Variants in EXOC6B observed in about 807,000 individuals in gnomAD.
EXOC6B encodes SEC15 homolog B.
A neutral mutation model predicts 113.5 loss-of-function variants in EXOC6B; 54 were observed. The ratio of observed to expected loss-of-function variants is 0.48; its 90% CI spans 0.38 to 0.60. EXOC6B has a LOEUF of 0.60. Ranked by LOEUF, EXOC6B falls within the 20% of genes least tolerant of loss-of-function variation. EXOC6B has a pLI of 0.00. For synonymous variants in EXOC6B, 357 were observed against 339.0 expected (o/e 1.05, Z -0.58); for missense variants, 797 against 977.5 (o/e 0.82, Z 2.46).
At chr2:72,688,994 T>G (rs1490359129) in intron 6 of EXOC6B, among the ~76,000 whole-genome samples, 1 of 152,172 alleles carries the variant, frequency 6.6e-6, no homozygotes, top group Non-Finnish European at 1.5e-5. Flanking sequence ...AGCAATAAAG[T>G]GATGCATTAG....
intron 20 of EXOC6B, among the ~76,000 whole-genome samples, chr2:72,212,592 G>A (rs1680263309): frequency 6.6e-6 from 1 of 152,154 alleles, no homozygotes; most frequent in Admixed American, 6.5e-5. Context: ...AATAATGGAG[G>A]AAATGGACCA....
At chr2:72,289,759 G>A (rs979714032) in intron 20 of EXOC6B, among the ~76,000 whole-genome samples, 9 of 152,108 alleles carry the variant, frequency 5.9e-5, no homozygotes, top group African/African-American at 9.7e-5. Flanking sequence ...AGCCAGGTAC[G>A]GTGGCTCATG....
chr2:72,787,765 T>C (rs1228665146), intron 1 of EXOC6B, among the ~76,000 whole-genome samples: 1 of 152,138 alleles, frequency 6.6e-6, no homozygotes, highest in African/African-American at 2.4e-5. Flanking sequence ...TAGCTGGGAC[T>C]ACAGGCACGT....
chr2:72,613,471 A>G (rs1375293316), intron 6 of EXOC6B, among the ~76,000 whole-genome samples: 1 of 152,106 alleles, frequency 6.6e-6, no homozygotes, highest in African/African-American at 2.4e-5. Flanking sequence ...AAAAAGCCCA[A>G]AAACTTTAAA....
intron 20 of EXOC6B, among the ~76,000 whole-genome samples, chr2:72,334,653 A>T (rs2072906837): frequency 6.6e-6 from 1 of 152,120 alleles, no homozygotes. Flanking sequence ...TGTCTGCAAA[A>T]GCCAACAACA....
chr2:72,580,244 C>A (rs1287195269), intron 6 of EXOC6B, among the ~76,000 whole-genome samples: 1 of 147,374 alleles, frequency 6.8e-6, no homozygotes, highest in Admixed American at 7.0e-5. Context: ...TGGGTTCAAG[C>A]GATTCTCATG....
At chr2:72,548,264 A>G (rs1703015106) in intron 8 of EXOC6B, among the ~76,000 whole-genome samples, 1 of 152,126 alleles carries the variant, frequency 6.6e-6, no homozygotes, top group Non-Finnish European at 1.5e-5. Context: ...CATGACCGAA[A>G]TCTGACCTCC....
At chr2:72,476,379 A>G (rs1336615433) in intron 17 of EXOC6B, among the ~76,000 whole-genome samples, 1 of 152,162 alleles carries the variant, frequency 6.6e-6, no homozygotes, top group Non-Finnish European at 1.5e-5. Flanking sequence ...GGTCTATTTG[A>G]AATGTGATCA....
At chr2:72,782,950 G>C (rs1234937258) in intron 1 of EXOC6B, among the ~76,000 whole-genome samples, 1 of 152,118 alleles carries the variant, frequency 6.6e-6, no homozygotes, top group Non-Finnish European at 1.5e-5. Flanking sequence ...TGATTCTGTA[G>C]CTTTGCTATG....
Position 72,645,760 on chromosome 2 carries a change from C to T in EXOC6B, c.670-70092G>A, listed in dbSNP as rs967379463. ...GAAACCAATGAGAACAAAGACACAA[C>T]ATACCAGAATCTCTGGGACACATTT... On this transcript the variant is annotated intron_variant, in intron 6 of 21. Transcript: ENST00000272427. Among the ~76,000 whole-genome samples, 104 of 152,284 alleles carry T rather than the reference C, an allele frequency of 6.8e-4. 1 individual carries two copies. The highest frequency in any genetic ancestry group is 6.3e-3 in the Admixed American group (96 of 15,296).
At chr2:72,758,067 G>T (rs547787079) in intron 1 of EXOC6B, among the ~76,000 whole-genome samples, 1 of 151,330 alleles carries the variant, frequency 6.6e-6, no homozygotes, top group Non-Finnish European at 1.5e-5. Flanking sequence ...GGAGGCTGAG[G>T]AGGGAGGATC....
At chr2:72,666,207 T>C (rs1179128336) in intron 6 of EXOC6B, among the ~76,000 whole-genome samples, 18 of 152,148 alleles carry the variant, frequency 1.2e-4, no homozygotes, top group Admixed American at 1.1e-3. Flanking sequence ...GTGAAAGCCT[T>C]GAACACCCTA....
intron 6 of EXOC6B, among the ~76,000 whole-genome samples, chr2:72,664,144 C>A (rs1441307391): frequency 6.6e-6 from 1 of 152,002 alleles, no homozygotes; most frequent in African/African-American, 2.4e-5. Flanking sequence ...CCCATATCAA[C>A]AAAATAATTT....
At chr2:72,502,674 C>T (rs868628313) in intron 11 of EXOC6B, among the ~76,000 whole-genome samples, 1 of 152,206 alleles carries the variant, frequency 6.6e-6, no homozygotes, top group South Asian at 2.1e-4. Flanking sequence ...AATTGTCTCC[C>T]GCCATTTACC....
intron 11 of EXOC6B, among the ~76,000 whole-genome samples, chr2:72,508,172 A>AC: frequency 6.7e-6 from 1 of 148,888 alleles, no homozygotes; most frequent in African/African-American, 2.5e-5. Flanking sequence ...GCAAAAAAAA[A>AC]AAAAAAAAAA....
intron 18 of EXOC6B, among the ~76,000 whole-genome samples, chr2:72,380,967 G>C (rs555275076): frequency 6.6e-6 from 1 of 152,008 alleles, no homozygotes; most frequent in Non-Finnish European, 1.5e-5. Context: ...AAATATTTCA[G>C]CCATACAGAA....
chr2:72,769,529 G>A (rs1340330255), intron 1 of EXOC6B, among the ~76,000 whole-genome samples: 4 of 152,048 alleles, frequency 2.6e-5, no homozygotes, highest in Non-Finnish European at 5.9e-5. Context: ...AAAAAAGGAA[G>A]GGCCAGGCCC....
chr2:72,454,329 C>T (rs1697084928), intron 18 of EXOC6B, among the ~76,000 whole-genome samples: 1 of 152,150 alleles, frequency 6.6e-6, no homozygotes, highest in African/African-American at 2.4e-5. Context: ...CATAGTGAGA[C>T]CCCATCTCAA....
chr2:72,182,945 C>G (rs1678183393), intron 21 of EXOC6B: 5 of 1,222,252 alleles, frequency 4.1e-6, no homozygotes, highest in Non-Finnish European at 5.1e-6. Context: ...CCATGGGAAA[C>G]AAAGTTAAAA....
Sources: allele counts gnomAD v4.1 joint callset (sites outside exome capture counted in the v4.1 genomes callset), GRCh38; gene constraint gnomAD v4.1.1; transcripts MANE v1.5; gene names NCBI Gene and HGNC (gene_info 2026-07-23, HGNC 2026-07-21).